CBLC: variants seen among roughly 807,000 people sequenced by gnomAD.
CBLC encodes the protein Cbl proto-oncogene C, also known as E3 ubiquitin-protein ligase CBL-C.
Under a neutral mutation model 58.6 loss-of-function variants are expected in CBLC, and 46 were observed. That is an observed-to-expected ratio of 0.79 (90% CI 0.62 to 1.00). The LOEUF (loss-of-function observed/expected upper bound fraction) is 1.00. CBLC is among the 50% of genes least tolerant of loss of function. The probability of loss-of-function intolerance (pLI) is 0.00; values close to 1 mark genes in which losing one functional copy is unlikely to be tolerated. For missense variants in CBLC, 655 were observed against 625.8 expected (o/e 1.05, Z -0.50); for synonymous variants, 271 against 264.2 (o/e 1.03, Z -0.25).
At chr19:44,784,982 T>G (rs569905310) in intron 5 of CBLC, among the ~76,000 whole-genome samples, 5 of 125,342 alleles carry the variant, frequency 4.0e-5, no homozygotes, top group South Asian at 2.8e-4. Context: ...TTTTTTTTTT[T>G]TTTTTTTGAG....
chr19:44,784,511 T>C (rs933574953), intron 5 of CBLC, 110 bp downstream of exon 5: 3 of 1,087,350 alleles, frequency 2.8e-6, no homozygotes, highest in African/African-American at 1.5e-5. Flanking sequence ...ACCATTCACA[T>C]AGGGGACATC....
At position 44,789,991 on chromosome 19, in the gene CBLC, T is replaced by C. The variant is rs761515082; in HGVS notation, c.918-13T>C. ...GGATGGCCCCCCAGTCCCCCTCTCT[T>C]CCCTTCCCCCAGCTACCTCTACCCA... On this transcript the variant is annotated splice_polypyrimidine_tract_variant and intron_variant, in intron 5 of 10. Coordinates refer to ENST00000647358, the MANE Select transcript of CBLC (RefSeq NM_012116.4). 2 of 1,603,882 alleles carry C rather than the reference T, an allele frequency of 1.2e-6. No individual in the cohort carries two copies. Among genetic ancestry groups the C allele is most frequent in the Admixed American group, 3.3e-5 (2 of 59,950 alleles).
At chr19:44,795,877 A>T (rs1968168600) in intron 9 of CBLC, among the ~76,000 whole-genome samples, 1 of 152,170 alleles carries the variant, frequency 6.6e-6, no homozygotes, top group African/African-American at 2.4e-5. Flanking sequence ...ATGCCAAATG[A>T]ATACACTGAA....
chr19:44,794,073 C>T (rs564656795), intron 8 of CBLC, 131 bp from the exon 9 acceptor site: 10 of 1,447,146 alleles, frequency 6.9e-6, no homozygotes, highest in Admixed American at 5.0e-5. Flanking sequence ...AGTGTTCATA[C>T]GTTGTCTTGG....
intron 6 of CBLC, among the ~76,000 whole-genome samples, chr19:44,790,846 G>A (rs138650112): frequency 8.2e-4 from 125 of 152,184 alleles, no homozygotes; most frequent in African/African-American, 2.7e-3. Flanking sequence ...GGGTGCCACC[G>A]CACCCATAAT....
At chr19:44,789,821 C>G (rs774283844) in intron 5 of CBLC, among the ~76,000 whole-genome samples, 183 bp from the exon 6 acceptor site, 1 of 152,084 alleles carries the variant, frequency 6.6e-6, no homozygotes, top group Admixed American at 6.6e-5. Context: ...CCTGGGGTAT[C>G]TGAGAAGACA....
chr19:44,800,123 G>C (rs1188619158), intron 9 of CBLC, among the ~76,000 whole-genome samples: 3 of 152,200 alleles, frequency 2.0e-5, no homozygotes, highest in Non-Finnish European at 2.9e-5. Context: ...GCCTGTGAAA[G>C]GACGTCCACC....
chr19:44,800,579 C>T lies in CBLC; in HGVS notation c.*36C>T. The T allele has an allele frequency of 1.7e-6, 1 of 598,954 alleles. No individual in the cohort carries two copies. The highest frequency in any genetic ancestry group is 3.0e-6 in the Non-Finnish European group (1 of 336,174). 37.1% of individuals were successfully genotyped at this position (598,954 alleles called of 1,614,324 possible). On this transcript the variant is annotated 3_prime_UTR_variant, in exon 11 of 11. Coordinates refer to ENST00000647358, the MANE Select transcript of CBLC (RefSeq NM_012116.4). Reference sequence around the variant, plus strand: ...ACCCAGATGTGCTGCTCAAGGGAGCCCCAAGGGCTGGAAGGGGGTTGTGAA... The same window carrying T: ...ACCCAGATGTGCTGCTCAAGGGAGCTCCAAGGGCTGGAAGGGGGTTGTGAA...
At chr19:44,798,030 C>T (rs1387969656) in intron 9 of CBLC, among the ~76,000 whole-genome samples, 1 of 152,048 alleles carries the variant, frequency 6.6e-6, no homozygotes, top group East Asian at 1.9e-4. Flanking sequence ...CCTGGGGTTG[C>T]TGTCTGCACG....
At chr19:44,784,912 T>TGG (rs893324070) in intron 5 of CBLC, among the ~76,000 whole-genome samples, 1 of 136,512 alleles carries the variant, frequency 7.3e-6, no homozygotes, top group African/African-American at 2.7e-5. Flanking sequence ...TCTAGATTGA[T>TGG]GGGGCAGAAA....
chr19:44,781,014 C>A lies in CBLC; in HGVS notation c.463C>A (p.Pro155Thr), dbSNP rs1283928118. Residue 155 changes from proline to threonine, a missense_variant, in exon 2 of 11, where the codon CCC becomes ACC. This residue lies in a region of CBLC where 280 missense variants were observed against 237.2 expected (regional missense o/e 1.18). Coordinates refer to ENST00000647358, the MANE Select transcript of CBLC (RefSeq NM_012116.4). ...ACACATGTACCAGCTCACCAAGGCC[C>A]CCGCCCACACCTTCTGGAGGGAAAG... The part of the protein sequence containing the change: ...CGHMYQLTKA[P>T]AHTFWRESCG... 1.2e-5 allele frequency: 19 copies of A among 1,613,430 alleles called. No individual in the cohort carries two copies. The highest frequency in any genetic ancestry group is 1.5e-5 in the Non-Finnish European group (18 of 1,179,992).
At chr19:44,784,475 C>T (rs1435318607) in intron 5 of CBLC, 74 bp downstream of exon 5, 43 of 1,411,114 alleles carry the variant, frequency 3.0e-5, no homozygotes, top group Admixed American at 3.8e-5. Flanking sequence ...TGTGCACTGC[C>T]GGTGGCCACC....
Position 44,792,391 on chromosome 19 carries a change from G to A in CBLC, c.1014G>A (p.Leu338=), listed in dbSNP as rs369690964. 2.1e-5 allele frequency: 34 copies of A among 1,613,434 alleles called. No homozygotes were observed. Among genetic ancestry groups the A allele is most frequent in the Non-Finnish European group, 2.8e-5 (33 of 1,179,952 alleles). Residue 338 remains leucine, a synonymous_variant, in exon 7 of 11, where the codon CTG becomes CTA. Coordinates refer to ENST00000647358, the MANE Select transcript of CBLC (RefSeq NM_012116.4). ...ATCCTCTCACCTGCCAGGAGCAGCT[G>A]CAGCTCTACTGGGCCATGGACTCCA... ...QQRIHVSEEQ[L]QLYWAMDSTF...
chr19:44,787,074 G>A (rs2122451158), intron 5 of CBLC, among the ~76,000 whole-genome samples: 1 of 152,050 alleles, frequency 6.6e-6, no homozygotes, highest in Middle Eastern at 3.4e-3. Flanking sequence ...GACAGAGTGA[G>A]ATTCCATCTC....
chr19:44,793,294 C>T (rs1401886342), intron 7 of CBLC, among the ~76,000 whole-genome samples, 180 bp from the exon 8 acceptor site: 1 of 152,148 alleles, frequency 6.6e-6, no homozygotes, highest in Admixed American at 6.6e-5. Context: ...CCTCTCTCAC[C>T]TTCCCTCCCA....
At chr19:44,787,609 G>A (rs1176350193) in intron 5 of CBLC, among the ~76,000 whole-genome samples, 1 of 151,100 alleles carries the variant, frequency 6.6e-6, no homozygotes, top group Non-Finnish European at 1.5e-5. Flanking sequence ...CTGAAGTCAG[G>A]AGTTCAAGAC....
chr19:44,787,080 A>G (rs1967927896), intron 5 of CBLC, among the ~76,000 whole-genome samples: 1 of 151,726 alleles, frequency 6.6e-6, no homozygotes, highest in Admixed American at 6.6e-5. Context: ...GTGAGATTCC[A>G]TCTCAAAAAC....
chr19:44,781,179 G>A, intron 2 of CBLC, 28 bp from the exon 3 acceptor site: 2 of 1,594,776 alleles, frequency 1.3e-6, no homozygotes, highest in Non-Finnish European at 1.7e-6. Context: ...GGCCTCAGCG[G>A]TGTCTCCCCC....
At chr19:44,784,663 C>T (rs554997961) in intron 5 of CBLC, among the ~76,000 whole-genome samples, 4 of 152,164 alleles carry the variant, frequency 2.6e-5, no homozygotes, top group Non-Finnish European at 5.9e-5. Flanking sequence ...TTGGGCACAA[C>T]CGCAAGGGCT....
Sources: allele counts gnomAD v4.1 joint callset (sites outside exome capture counted in the v4.1 genomes callset), GRCh38; gene constraint gnomAD v4.1.1; regional missense constraint gnomAD v4.1.1; transcripts MANE v1.5; gene names NCBI Gene and HGNC (gene_info 2026-07-23, HGNC 2026-07-21).